Variants in STPG4 observed in about 807,000 individuals in gnomAD.
STPG4 encodes sperm-tail PG-rich repeat containing 4.
Under a neutral mutation model 31.5 loss-of-function variants are expected in STPG4, and 41 were observed. The ratio of observed to expected loss-of-function variants is 1.30; its 90% CI spans 1.01 to 1.69. STPG4 has a LOEUF of 1.69. Among genes scored for constraint, STPG4 ranks in the 40% most tolerant of loss-of-function variants. STPG4 has a pLI of 0.00. For missense variants in STPG4, 375 were observed against 293.4 expected, an observed-to-expected ratio of 1.28 and a Z score of -2.03; for synonymous variants, 141 against 103.0, an observed-to-expected ratio of 1.37 and a Z score of -2.24.
At chr2:47,155,082 A>C in intron 1 of STPG4, 89 bp downstream of exon 1, 4 of 1,281,288 alleles carry the variant, frequency 3.1e-6, no homozygotes, top group African/African-American at 1.5e-5. Context: ...GAGCGGCACG[A>C]AGGCCTGGGA....
In STPG4 at chr2:47,137,876, T is replaced by C. The variant is rs545815232; in HGVS notation, c.400-7616A>G. ...TGTGTTTTCTCTCTTTTTTCTTAGT[T>C]AGCCTAGATAGATGCTTATCAATTT... is the stretch of plus-strand genomic sequence containing the variant. On this transcript the variant is annotated intron_variant, in intron 3 of 6. Coordinates refer to ENST00000445927, the MANE Select transcript of STPG4 (RefSeq NM_001163561.2). Among the ~76,000 whole-genome samples, 5 of 152,326 alleles carry C rather than the reference T, an allele frequency of 3.3e-5. No homozygotes were observed. The South Asian group carries it at 1.0e-3, about 32-fold the overall frequency.
intron 3 of STPG4, among the ~76,000 whole-genome samples, chr2:47,143,488 ATT>A (rs770942066): frequency 5.8e-5 from 8 of 137,682 alleles, no homozygotes; most frequent in Admixed American, 7.2e-5. Context: ...CCCTTTGCTC[ATT>A]TTTTTTTTTT....
intron 3 of STPG4, among the ~76,000 whole-genome samples, chr2:47,137,245 G>A (rs987848900): frequency 6.6e-5 from 10 of 152,172 alleles, no homozygotes; most frequent in Non-Finnish European, 1.5e-4. Context: ...ACATGATTAT[G>A]TGACTTTTCT....
intron 6 of STPG4, among the ~76,000 whole-genome samples, chr2:47,088,206 A>C (rs1424234431): frequency 1.3e-5 from 2 of 152,092 alleles, no homozygotes; most frequent in Admixed American, 1.3e-4. Flanking sequence ...CAGCCACCTG[A>C]GTAGCTGGGA....
chr2:47,129,984 A>T lies in STPG4; in HGVS notation c.476T>A (p.Phe159Tyr), dbSNP rs747003046. ...TGGGAATCTTTGAACTGTTGAGCGA[A>T]ATACACAGCTCCTATATTTCAAAAT... Reference protein sequence around the residue: ...VPKYASRSCVFRSTVQRFPTT... With the variant: ...VPKYASRSCVYRSTVQRFPTT... Residue 159 changes from phenylalanine (F) to tyrosine (Y), a missense_variant, in exon 5 of 7, where the codon TTT becomes TAT. By Grantham distance (22) the Phe-to-Tyr change is conservative (BLOSUM62 3). Coordinates refer to ENST00000445927, the MANE Select transcript of STPG4 (RefSeq NM_001163561.2). The T allele has an allele frequency of 6.4e-7, 1 of 1,569,330 alleles. No individual in the cohort carries two copies. The highest frequency in any genetic ancestry group is 1.3e-5 in the African/African-American group (1 of 74,076).
chr2:47,147,477 G>A (rs1686846562), intron 3 of STPG4, among the ~76,000 whole-genome samples: 1 of 152,168 alleles, frequency 6.6e-6, no homozygotes. Context: ...GCAGGGAATG[G>A]AAAAATTGTT....
chr2:47,135,675 C>T (rs780030699), intron 3 of STPG4, among the ~76,000 whole-genome samples: 4 of 152,196 alleles, frequency 2.6e-5, no homozygotes, highest in Non-Finnish European at 4.4e-5. Flanking sequence ...GCATGAACCA[C>T]CACGCCCAGC....
At chr2:47,105,788 G>A (rs1165892709) in intron 5 of STPG4, among the ~76,000 whole-genome samples, 1 of 152,038 alleles carries the variant, frequency 6.6e-6, no homozygotes, top group Non-Finnish European at 1.5e-5. Context: ...AAGGGAAAAA[G>A]AATAAATGTG....
intron 3 of STPG4, among the ~76,000 whole-genome samples, chr2:47,147,554 A>C (rs1231518743): frequency 6.6e-6 from 1 of 152,208 alleles, no homozygotes; most frequent in Non-Finnish European, 1.5e-5. Flanking sequence ...TTGGTCTTGA[A>C]AAACATCTAA....
intron 5 of STPG4, among the ~76,000 whole-genome samples, chr2:47,100,442 G>C (rs1447811134): frequency 2.0e-5 from 3 of 149,234 alleles, no homozygotes; most frequent in African/African-American, 7.5e-5. Context: ...TTTATGTCTA[G>C]CTCAGGGATT....
At chr2:47,107,370 C>T (rs1008703716) in intron 5 of STPG4, among the ~76,000 whole-genome samples, 3 of 152,146 alleles carry the variant, frequency 2.0e-5, no homozygotes, top group South Asian at 2.1e-4. Context: ...GCCCCGCACT[C>T]GGAGCAGCTG....
intron 3 of STPG4, among the ~76,000 whole-genome samples, chr2:47,145,102 A>G (rs1470505301): frequency 2.0e-5 from 3 of 152,234 alleles, no homozygotes; most frequent in Non-Finnish European, 2.9e-5. Context: ...AAACTAAAAG[A>G]CAGCAAGAAG....
chr2:47,143,034 T>C (rs1427558110), intron 3 of STPG4, among the ~76,000 whole-genome samples: 2 of 152,002 alleles, frequency 1.3e-5, no homozygotes, highest in Non-Finnish European at 2.9e-5. Context: ...GAGATGGGAT[T>C]TCACTATTTT....
intron 5 of STPG4, 97 bp from the exon 6 acceptor site, chr2:47,090,471 G>A (rs1685548808): frequency 2.6e-6 from 2 of 781,122 alleles, no homozygotes; most frequent in Admixed American, 4.8e-5. Context: ...GAATCACTGT[G>A]ATATAGTAGA....
chr2:47,114,320 C>A (rs1686102565), intron 5 of STPG4, among the ~76,000 whole-genome samples: 1 of 151,926 alleles, frequency 6.6e-6, no homozygotes, highest in Non-Finnish European at 1.5e-5. Flanking sequence ...GCCTGGCCAA[C>A]ATGGTGAAAT....
intron 5 of STPG4, among the ~76,000 whole-genome samples, chr2:47,096,949 C>T (rs1156609712): frequency 1.3e-5 from 2 of 151,966 alleles, no homozygotes; most frequent in African/African-American, 4.8e-5. Context: ...ATGGTGAGTT[C>T]ACAGTGAGGG....
At chr2:47,098,028 CGT>C (rs1685710475) in intron 5 of STPG4, among the ~76,000 whole-genome samples, 1 of 151,538 alleles carries the variant, frequency 6.6e-6, no homozygotes, top group African/African-American at 2.4e-5. Context: ...TTGCTTTTCA[CGT>C]GTGTATGAAC....
At chr2:47,143,647 G>A (rs552247449) in intron 3 of STPG4, among the ~76,000 whole-genome samples, 16 of 152,066 alleles carry the variant, frequency 1.1e-4, no homozygotes, top group East Asian at 5.8e-4. Context: ...CACCACGCCC[G>A]GCTAATTTTT....
intron 3 of STPG4, among the ~76,000 whole-genome samples, chr2:47,130,675 C>A (rs1372142950): frequency 1.3e-5 from 2 of 152,004 alleles, no homozygotes; most frequent in African/African-American, 4.8e-5. Context: ...CCACCACGCC[C>A]AGCTAATTTT....
Sources: gnomAD v4.1 joint callset for allele counts (sites outside exome capture counted in the v4.1 genomes callset) on GRCh38, gnomAD v4.1.1 for gene constraint, MANE v1.5 for transcripts, NCBI Gene and HGNC (gene_info 2026-07-23, HGNC 2026-07-21) for gene names.